Variants in EXOC7 observed in about 807,000 individuals in gnomAD.
The protein encoded by EXOC7 is exocyst complex component 7, also known as exocyst complex component Exo70.
Under a neutral mutation model 87.6 loss-of-function variants are expected in EXOC7, and 51 were observed. That is an observed-to-expected ratio of 0.58 (90% CI 0.46 to 0.73). The LOEUF (loss-of-function observed/expected upper bound fraction) is 0.73, where lower values mean the gene tolerates loss of function less well. EXOC7 is among the 30% of genes least tolerant of loss of function. The pLI is 0.00. For synonymous variants in EXOC7, 327 were observed against 357.1 expected (o/e 0.92, Z 0.95); for missense variants, 744 against 888.4 (o/e 0.84, Z 2.07).
At chr17:76,084,873 A>G (rs1328382090) in intron 15 of EXOC7, among the ~76,000 whole-genome samples, 1 of 152,242 alleles carries the variant, frequency 6.6e-6, no homozygotes, top group Non-Finnish European at 1.5e-5. Context: ...TGAGAAAGAA[A>G]GGAGTGGAGG....
rs750786739 is a variant in EXOC7 at position 76,085,723 on chromosome 17, T to C, written c.1570A>G (p.Ile524Val). 6.2e-7 allele frequency: 1 copy of C among 1,614,128 alleles called. No homozygotes were observed. The highest frequency in any genetic ancestry group is 1.1e-5 in the South Asian group (1 of 91,086). ...KVYEDPALSA[I>V]FLHNNYNYIL... is the part of the protein sequence containing the mutation. Reference sequence around the variant, plus strand: ...TAATTGTAGTTGTTGTGCAGGAAGATGGCGCTCAGAGCTGGGTCCTCGTAC... The same window carrying C: ...TAATTGTAGTTGTTGTGCAGGAAGACGGCGCTCAGAGCTGGGTCCTCGTAC... The change falls in exon 14 of 19, where the codon ATC (isoleucine) becomes GTC (valine). Residue 524 changes from isoleucine (I) to valine (V), a missense_variant. Around this residue, in one of 3 missense-constraint regions of EXOC7, gnomAD observed 228 missense variants for 298.6 expected, o/e 0.76. Coordinates refer to ENST00000589210, the MANE Select transcript of EXOC7 (RefSeq NM_001013839.4).
intron 2 of EXOC7, chr17:76,103,102 G>C: frequency 1.9e-6 from 1 of 527,162 alleles, no homozygotes; most frequent in East Asian, 3.4e-5. Flanking sequence ...TGCAGAAGGA[G>C]AGAAGGAAGA....
chr17:76,084,296 AG>A lies in EXOC7; in HGVS notation c.1777-8del. The stretch of plus-strand genomic sequence containing the variant: ...GCCGCTCCTTGTCCCGGAGCTGGGA[AG>A]CCAGGAGAGATAGCAGAGAAAGCTC... On this transcript the variant is annotated splice_region_variant and splice_polypyrimidine_tract_variant and intron_variant, in intron 16 of 18. Transcript: ENST00000589210. 2 of 1,613,516 alleles carry A rather than the reference AG, an allele frequency of 1.2e-6. No homozygotes were observed. Among genetic ancestry groups the A allele is most frequent in the Non-Finnish European group, 1.7e-6 (2 of 1,180,022 alleles).
chr17:76,099,244 G>A (rs865905267), intron 4 of EXOC7, among the ~76,000 whole-genome samples: 2 of 152,212 alleles, frequency 1.3e-5, no homozygotes, highest in African/African-American at 2.4e-5. Flanking sequence ...GGTGGCTTAC[G>A]CCTGTAATCC....
chr17:76,089,318 TC>T lies in EXOC7; in HGVS notation c.903del (p.Arg302GlufsTer46). On this transcript the variant is annotated frameshift_variant and splice_region_variant, in exon 8 of 19. Coordinates refer to ENST00000589210, the MANE Select transcript of EXOC7 (RefSeq NM_001013839.4). LOFTEE classifies it high-confidence loss of function. The part of the protein sequence containing the change: ...KGGSNLIPLE[G>X]RDDMLDVETD... The stretch of plus-strand genomic sequence containing the variant: ...GTCTCCACGTCCAGCATGTCATCTC[TC>T]CCTGGGGGATGGCACAACTCTTGAG... 5 of 1,613,836 alleles carry T rather than the reference TC, an allele frequency of 3.1e-6. No homozygotes were observed. The highest frequency in any genetic ancestry group is 4.2e-6 in the Non-Finnish European group (5 of 1,179,902).
In EXOC7 at chr17:76,081,990, G is replaced by C. The variant is rs1375716175; in HGVS notation, c.*1658C>G. ...AACCTTGGGGCCAAGAGCGGCCCCA[G>C]CCCAGCCCCGAGAGGGGAACAGCGA... On this transcript the variant is annotated 3_prime_UTR_variant, in exon 19 of 19. Transcript: ENST00000589210. 1 of 1,611,770 alleles carries C rather than the reference G, an allele frequency of 6.2e-7. No individual in the cohort carries two copies. The highest frequency in any genetic ancestry group is 1.1e-5 in the South Asian group (1 of 90,998).
intron 5 of EXOC7, 126 bp from the exon 6 acceptor site, chr17:76,094,707 C>T: frequency 1.1e-6 from 1 of 921,386 alleles, no homozygotes; most frequent in Non-Finnish European, 1.6e-6. Flanking sequence ...GGTCACAAGC[C>T]ACCCATATCT....
Position 76,081,541 on chromosome 17 carries a change from C to T in EXOC7, c.*2107G>A. The T allele has an allele frequency of 6.2e-7, 1 of 1,613,198 alleles. No individual in the cohort carries two copies. Among genetic ancestry groups the T allele is most frequent in the Non-Finnish European group, 8.5e-7 (1 of 1,179,978 alleles). ...CGGGAAGGCCCTGACTTTTCCCCTTCCAGCTGAGGCTGAAGAACACGGCGC... is the reference window on the plus strand; with the variant it reads ...CGGGAAGGCCCTGACTTTTCCCCTTTCAGCTGAGGCTGAAGAACACGGCGC... On this transcript the variant is annotated 3_prime_UTR_variant, in exon 19 of 19. Transcript: ENST00000589210.
chr17:76,089,165 G>A lies in EXOC7; in HGVS notation c.1047+10C>T, dbSNP rs755937748. On this transcript the variant is annotated intron_variant, in intron 8 of 18. Coordinates refer to ENST00000589210, the MANE Select transcript of EXOC7 (RefSeq NM_001013839.4). ...GGGCTGGCTGCAGAGCCCCCGGGGC[G>A]GGGCGGGACCTGTATCAGGGAGTCG... is the stretch of plus-strand genomic sequence containing the variant. 16 of 1,612,304 alleles carry A rather than the reference G, an allele frequency of 9.9e-6. No individual in the cohort carries two copies. The highest frequency in any genetic ancestry group is 2.2e-5 in the East Asian group (1 of 44,892).
rs745381910 is a variant in EXOC7 at position 76,097,972 on chromosome 17, C to T, written c.464G>A (p.Arg155His). ...RGKEALESEF[R>H]SLMTRHSKVV... ...CTTACTGTGCCGCGTCATCAGGCTG[C>T]GAAATTCGGACTCCAGGGCCTCCTT... The change falls in exon 5 of 19, where the codon CGC (arginine) becomes CAC (histidine). Residue 155 changes from arginine (R) to histidine (H), a missense_variant. Around this residue, in one of 3 missense-constraint regions of EXOC7, gnomAD observed 512 missense variants for 573.0 expected, o/e 0.89. Transcript: ENST00000589210. 27 of 1,613,988 alleles carry T rather than the reference C, an allele frequency of 1.7e-5. No homozygotes were observed. The Admixed American group carries it at 2.3e-4, about 14-fold the overall frequency.
chr17:76,096,511 CA>C (rs780542530), intron 5 of EXOC7, among the ~76,000 whole-genome samples: 1,416 of 70,030 alleles, frequency 0.02, 9 homozygotes, highest in African/African-American at 0.05. Context: ...GACTCTGTCT[CA>C]AAAAAAAAAA....
intron 2 of EXOC7, 33 bp from the exon 3 acceptor site, chr17:76,101,896 C>T (rs1396178229): frequency 6.3e-7 from 1 of 1,574,920 alleles, no homozygotes; most frequent in Non-Finnish European, 8.7e-7. Context: ...TCTTGGGACT[C>T]ACAGTGGTCC....
chr17:76,097,741 G>A (rs1031845124), intron 5 of EXOC7, 55 bp downstream of exon 5: 3 of 1,000,568 alleles, frequency 3.0e-6, no homozygotes, highest in African/African-American at 3.3e-5. Flanking sequence ...AGAACAAAGG[G>A]GAGAAAACTC....
chr17:76,086,508 C>G (rs556148238), intron 12 of EXOC7, among the ~76,000 whole-genome samples: 1 of 152,206 alleles, frequency 6.6e-6, no homozygotes, highest in Non-Finnish European at 1.5e-5. Flanking sequence ...GGGCTCCCCA[C>G]AGCCTCTCCA....
chr17:76,082,632 T>C lies in EXOC7; in HGVS notation c.*1016A>G, dbSNP rs1267152345. Reference sequence around the variant, plus strand: ...CAGCCCCTGGAGAGGCTGCACCCCATGGCAGGCGGCCTAGACTGTAAAGGG... The same window carrying C: ...CAGCCCCTGGAGAGGCTGCACCCCACGGCAGGCGGCCTAGACTGTAAAGGG... On this transcript the variant is annotated 3_prime_UTR_variant, in exon 19 of 19. Coordinates refer to ENST00000589210, the MANE Select transcript of EXOC7 (RefSeq NM_001013839.4). 6.2e-7 allele frequency: 1 copy of C among 1,612,440 alleles called. No individual in the cohort carries two copies. The highest frequency in any genetic ancestry group is 1.3e-5 in the African/African-American group (1 of 74,890).
chr17:76,087,413 C>G, intron 12 of EXOC7: 2 of 563,222 alleles, frequency 3.6e-6, no homozygotes, highest in Non-Finnish European at 6.3e-6. Flanking sequence ...AGTGAGGACA[C>G]TGCTTCCAGG....
In EXOC7 at chr17:76,083,289, C is replaced by T. The variant is rs1435795290; in HGVS notation, c.*359G>A. 1.6e-5 allele frequency: 4 copies of T among 247,412 alleles called. No homozygotes were observed. Among genetic ancestry groups the T allele is most frequent in the Admixed American group, 1.5e-4 (3 of 20,086 alleles). The allele number at this position is 247,412 out of a possible 1,614,324, so 15.3% of individuals were successfully genotyped here. On this transcript the variant is annotated 3_prime_UTR_variant, in exon 19 of 19. Coordinates refer to ENST00000589210, the MANE Select transcript of EXOC7 (RefSeq NM_001013839.4). The stretch of plus-strand genomic sequence containing the variant: ...GGAGTTCTCTGTCCCCACCTCTGAC[C>T]TAGGCTGGAGGGAGGGCCCTTCTGC...
At position 76,089,216 on chromosome 17, in the gene EXOC7, G is replaced by T; in HGVS notation, c.1006C>A (p.Pro336Thr). ...SEYQLLADII[P>T]EHHQKKTFDS... ...AAGGTCTTCTTCTGGTGGTGCTCGGGGATGATGTCGGCCAGCAGCTGGTAC... is the reference window on the plus strand; with the variant it reads ...AAGGTCTTCTTCTGGTGGTGCTCGGTGATGATGTCGGCCAGCAGCTGGTAC... Residue 336 changes from proline (P) to threonine (T), a missense_variant, in exon 8 of 19, where the codon CCC becomes ACC. Physicochemically the swap from Pro to Thr is conservative, Grantham distance 38 (BLOSUM62 -1). Transcript: ENST00000589210. The T allele has an allele frequency of 6.2e-7, 1 of 1,614,024 alleles. No individual in the cohort carries two copies.
intron 6 of EXOC7, chr17:76,091,557 G>A: frequency 3.7e-6 from 1 of 272,310 alleles, no homozygotes; most frequent in East Asian, 9.3e-5. Flanking sequence ...AATCAGAACA[G>A]GCGAGGGCTC....
Sources: gnomAD v4.1 joint callset for allele counts (sites outside exome capture counted in the v4.1 genomes callset) on GRCh38, gnomAD v4.1.1 for gene constraint, gnomAD v4.1.1 regional missense constraint, MANE v1.5 for transcripts, NCBI Gene and HGNC (gene_info 2026-07-23, HGNC 2026-07-21) for gene names.